The following SLC8A3 variants were observed in gnomAD, a reference collection of about 807,000 sequenced individuals.
The protein encoded by SLC8A3 is sodium/calcium exchanger 3.
Under a neutral mutation model 65.4 loss-of-function variants are expected in SLC8A3, and 37 were observed. That is an observed-to-expected ratio of 0.57 (90% confidence interval 0.44 to 0.74). The LOEUF is 0.74. Among genes scored for constraint, SLC8A3 ranks in the 30% least tolerant of loss-of-function variants. SLC8A3 has a pLI of 0.00. For missense variants in SLC8A3, 1,112 were observed against 1,172.1 expected (o/e 0.95, Z 0.75); for synonymous variants, 461 against 444.5 (o/e 1.04, Z -0.47).
intron 2 of SLC8A3, among the ~76,000 whole-genome samples, chr14:70,130,687 C>T (rs934150515): frequency 2.6e-4 from 40 of 152,210 alleles, no homozygotes; most frequent in African/African-American, 9.7e-4. Context: ...GGCGCCCTGG[C>T]TGTAAATGGC....
chr14:70,141,068 C>T (rs998954756), intron 2 of SLC8A3, among the ~76,000 whole-genome samples: 1 of 152,156 alleles, frequency 6.6e-6, no homozygotes, highest in Non-Finnish European at 1.5e-5. Context: ...GTCATAATAC[C>T]GATGCGATAA....
intron 2 of SLC8A3, among the ~76,000 whole-genome samples, chr14:70,087,849 C>A (rs1416204921): frequency 6.6e-6 from 1 of 152,158 alleles, no homozygotes; most frequent in Non-Finnish European, 1.5e-5. Context: ...CTAACAAGTT[C>A]TCTAAATATT....
chr14:70,105,273 G>A (rs1241168385), intron 2 of SLC8A3, among the ~76,000 whole-genome samples: 1 of 152,162 alleles, frequency 6.6e-6, no homozygotes, highest in Non-Finnish European at 1.5e-5. Context: ...AGCTTGCAGT[G>A]AGCCGAGATC....
At chr14:70,164,025 C>T (rs1897030981) in intron 2 of SLC8A3, among the ~76,000 whole-genome samples, 2 of 152,144 alleles carry the variant, frequency 1.3e-5, no homozygotes, top group South Asian at 4.1e-4. Context: ...TAAACAACTC[C>T]ACAGTGTCTT....
intron 1 of SLC8A3, 32 bp downstream of exon 1, chr14:70,188,347 G>C (rs192571006): frequency 6.6e-6 from 1 of 152,536 alleles, no homozygotes; most frequent in Non-Finnish European, 1.5e-5. Flanking sequence ...CCCGCTAAGG[G>C]GGAAGGGCAG....
intron 1 of SLC8A3, among the ~76,000 whole-genome samples, chr14:70,178,529 G>T (rs1882440459): frequency 6.6e-6 from 1 of 152,140 alleles, no homozygotes; most frequent in South Asian, 2.1e-4. Flanking sequence ...GGAACATATT[G>T]CTCCTAAGAA....
At chr14:70,060,633 G>C (rs1314574573) in intron 3 of SLC8A3, 1 of 717,078 alleles carries the variant, frequency 1.4e-6, no homozygotes, top group Admixed American at 1.7e-5. Context: ...AGAAGGCAGA[G>C]ATGATACCGA....
Position 70,187,615 on chromosome 14 carries a change from GTGTGTGTGTGTGTGTGT to G in SLC8A3, c.-63+747_-63+763del, listed in dbSNP as rs1191447370. ...GGGCTTTGACTGTGTGTGTGTGTGT[GTGTGTGTGTGTGTGTGT>G]GTGTGTGTCCGCGCGCGCGTGTGTG... On this transcript the variant is annotated intron_variant, in intron 1 of 6. Coordinates refer to ENST00000356921, the MANE Select transcript of SLC8A3 (RefSeq NM_182932.3). Among the ~76,000 whole-genome samples the G allele has an allele frequency of 5.2e-3, 607 of 117,514 alleles. 12 individuals carry two copies. Among genetic ancestry groups the G allele is most frequent in the Non-Finnish European group, 2.7e-3 (125 of 46,774 alleles). 77.1% of individuals were successfully genotyped at this position (117,514 alleles called of 152,430 possible).
chr14:70,083,242 A>C (rs188126499), intron 2 of SLC8A3, among the ~76,000 whole-genome samples: 7 of 152,186 alleles, frequency 4.6e-5, no homozygotes, highest in African/African-American at 9.6e-5. Flanking sequence ...GATGAGATTT[A>C]TCATCTCCGG....
Position 70,060,947 on chromosome 14 carries a change from G to A in SLC8A3, c.1785-8C>T. On this transcript the variant is annotated splice_polypyrimidine_tract_variant and splice_region_variant and intron_variant, in intron 2 of 6. Coordinates refer to ENST00000356921, the MANE Select transcript of SLC8A3 (RefSeq NM_182932.3). ...TTAACCCTTATGGTTTTCCTGTAGG[G>A]ACAACAAGAGAGAGAGTGTGTCGAC... The A allele has an allele frequency of 7.9e-7, 1 of 1,272,326 alleles. No homozygotes were observed. The highest frequency in any genetic ancestry group is 1.1e-6 in the Non-Finnish European group (1 of 912,282). 78.8% of individuals were successfully genotyped at this position (1,272,326 alleles called of 1,614,324 possible). A position where few individuals can be genotyped will look rare whatever the true frequency, so the allele number is the denominator to read the frequency against.
intron 2 of SLC8A3, among the ~76,000 whole-genome samples, chr14:70,077,072 C>G (rs933542084): frequency 1.3e-5 from 2 of 152,142 alleles, no homozygotes; most frequent in African/African-American, 4.8e-5. Context: ...ATACAATAAG[C>G]AGTCGTACAT....
intron 1 of SLC8A3, 32 bp downstream of exon 1, chr14:70,188,347 G>A (rs192571006): frequency 2.6e-5 from 4 of 152,654 alleles, no homozygotes; most frequent in African/African-American, 7.2e-5. Flanking sequence ...CCCGCTAAGG[G>A]GGAAGGGCAG....
intron 2 of SLC8A3, among the ~76,000 whole-genome samples, chr14:70,114,839 G>A (rs1299314545): frequency 1.3e-5 from 2 of 152,170 alleles, no homozygotes; most frequent in Non-Finnish European, 2.9e-5. Context: ...CTCCTCTCCT[G>A]AGCGGGTGTG....
chr14:70,184,249 C>T (rs188115869), intron 1 of SLC8A3, among the ~76,000 whole-genome samples: 2 of 152,274 alleles, frequency 1.3e-5, no homozygotes, highest in East Asian at 1.9e-4. Context: ...TCCTCTCTCT[C>T]CCACTTTCCA....
At chr14:70,110,707 G>A (rs1430358364) in intron 2 of SLC8A3, among the ~76,000 whole-genome samples, 1 of 131,414 alleles carries the variant, frequency 7.6e-6, no homozygotes, top group Admixed American at 8.5e-5. Context: ...TTGAGACAGA[G>A]TCTCGCTCTT....
chr14:70,165,677 C>A (rs1227493992), intron 2 of SLC8A3, among the ~76,000 whole-genome samples: 1 of 152,188 alleles, frequency 6.6e-6, no homozygotes, highest in African/African-American at 2.4e-5. Flanking sequence ...AGCTATCCAA[C>A]TGGAAAAAGG....
chr14:70,086,401 C>CTTTTTTTTTT (rs10605312), intron 2 of SLC8A3, among the ~76,000 whole-genome samples: 3 of 116,132 alleles, frequency 2.6e-5, no homozygotes, highest in Non-Finnish European at 3.6e-5. Context: ...TTTCTTTTTT[C>CTTTTTTTTTT]TTTTTTTTTT....
intron 2 of SLC8A3, among the ~76,000 whole-genome samples, chr14:70,113,933 G>A (rs1893482567): frequency 6.6e-6 from 1 of 151,814 alleles, no homozygotes; most frequent in African/African-American, 2.4e-5. Flanking sequence ...GTTCCCAGGT[G>A]TTCACGGAAT....
At chr14:70,177,866 A>G (rs1223203924) in intron 1 of SLC8A3, among the ~76,000 whole-genome samples, 3 of 152,208 alleles carry the variant, frequency 2.0e-5, no homozygotes, top group Non-Finnish European at 2.9e-5. Flanking sequence ...GGAACAGGAT[A>G]GGTGAATGAA....
Sources: allele counts gnomAD v4.1 joint callset (sites outside exome capture counted in the v4.1 genomes callset), GRCh38; gene constraint gnomAD v4.1.1; transcripts MANE v1.5; gene names NCBI Gene and HGNC (gene_info 2026-07-23, HGNC 2026-07-21).